MS4A15: variants seen among roughly 807,000 people sequenced by gnomAD.
The protein encoded by MS4A15 is membrane-spanning 4-domains subfamily A member 15.
MS4A15 carries 22 observed loss-of-function variants against 20.6 expected under a neutral mutation model. The observed-to-expected ratio is 1.07, with a 90% CI of 0.76 to 1.52. MS4A15 has a LOEUF of 1.52. Among genes scored for constraint, MS4A15 ranks in the 40% most tolerant of loss-of-function variants. The pLI is 0.00. For synonymous variants in MS4A15, 129 were observed against 129.3 expected, an observed-to-expected ratio of 1.00 and a Z score of 0.02; for missense variants, 312 against 323.0, an observed-to-expected ratio of 0.97 and a Z score of 0.26.
rs546850845 is a variant in MS4A15 at position 60,773,935 on chromosome 11, T to C, written c.597T>C (p.His199=). Residue 199 remains histidine (H), a synonymous_variant, in exon 6 of 7, where the codon CAT becomes CAC. Coordinates refer to ENST00000405633, the MANE Select transcript of MS4A15 (RefSeq NM_001098835.2). ...IAMHFGCQAI[H]AQASAPVIFL... ...TGCACTTCGGGTGCCAAGCCATCCATGCCCAGGCCAGTGCAGTGAGTACCC... is the reference window on the plus strand; with the variant it reads ...TGCACTTCGGGTGCCAAGCCATCCACGCCCAGGCCAGTGCAGTGAGTACCC... 7 of 1,614,002 alleles carry C rather than the reference T, an allele frequency of 4.3e-6. No homozygotes were observed. Among genetic ancestry groups the C allele is most frequent in the East Asian group, 4.5e-5 (2 of 44,864 alleles).
chr11:60,762,684 A>G (rs926181813), intron 1 of MS4A15, among the ~76,000 whole-genome samples: 3 of 152,234 alleles, frequency 2.0e-5, no homozygotes, highest in Non-Finnish European at 4.4e-5. Context: ...AGAAAAAGCA[A>G]TAAAAGCTTA....
intron 2 of MS4A15, among the ~76,000 whole-genome samples, chr11:60,765,827 G>A (rs760431361): frequency 1.3e-5 from 2 of 151,172 alleles, no homozygotes; most frequent in African/African-American, 4.9e-5. Flanking sequence ...TGGAGACAGC[G>A]GCTGGAATTT....
At chr11:60,767,063 C>T (rs984640007) in intron 2 of MS4A15, among the ~76,000 whole-genome samples, 3 of 152,196 alleles carry the variant, frequency 2.0e-5, no homozygotes, top group Admixed American at 2.0e-4. Flanking sequence ...GAAAAAATCC[C>T]ACTGGAGATT....
chr11:60,768,953 C>T lies in MS4A15; in HGVS notation c.348+1298C>T, dbSNP rs1038214237. 8.5e-5 allele frequency among the ~76,000 whole-genome samples: 13 copies of T among 152,146 alleles called. No homozygotes were observed. The East Asian group carries it at 2.3e-3, about 27-fold the overall frequency. Reference sequence around the variant, plus strand: ...AGGACAAATGGCTGACACATCACAACCAGATCAGGATGGTCACCTGGCCAT... The same window carrying T: ...AGGACAAATGGCTGACACATCACAATCAGATCAGGATGGTCACCTGGCCAT... On this transcript the variant is annotated intron_variant, in intron 3 of 6. Transcript: ENST00000405633.
At chr11:60,765,163 G>A (rs928091689) in intron 2 of MS4A15, among the ~76,000 whole-genome samples, 1 of 152,104 alleles carries the variant, frequency 6.6e-6, no homozygotes, top group African/African-American at 2.4e-5. Flanking sequence ...GGCATAGTCT[G>A]ATCAGTTGGC....
At chr11:60,767,223 A>G (rs1853904495) in intron 2 of MS4A15, among the ~76,000 whole-genome samples, 1 of 152,116 alleles carries the variant, frequency 6.6e-6, no homozygotes, top group Non-Finnish European at 1.5e-5. Flanking sequence ...TGGGCCATTG[A>G]ACCGAGTCCT....
intron 4 of MS4A15, chr11:60,771,896 C>A: frequency 1.7e-6 from 1 of 586,038 alleles, no homozygotes; most frequent in Non-Finnish European, 2.5e-6. Flanking sequence ...AGCTTTATGT[C>A]AGGCTCAGAG....
At position 60,773,621 on chromosome 11, in the gene MS4A15, T is replaced by C. The variant is rs574888485; in HGVS notation, c.498+137T>C. 2.4e-3 allele frequency: 1,971 copies of C among 817,644 alleles called. 6 individuals carry two copies. The highest frequency in any genetic ancestry group is 9.9e-3 in the Middle Eastern group (35 of 3,540). The allele number at this position is 817,644 out of a possible 1,614,324, so 50.6% of individuals were successfully genotyped here. On this transcript the variant is annotated intron_variant, in intron 5 of 6. Coordinates refer to ENST00000405633, the MANE Select transcript of MS4A15 (RefSeq NM_001098835.2). ...AGTCCCTATAGACCCCATGAATCCATGGATCCTCTGAGCCTTCCCCAAGAT... is the reference window on the plus strand; with the variant it reads ...AGTCCCTATAGACCCCATGAATCCACGGATCCTCTGAGCCTTCCCCAAGAT...
intron 6 of MS4A15, among the ~76,000 whole-genome samples, chr11:60,775,329 G>GAA (rs1554970114): frequency 1.2e-4 from 17 of 139,326 alleles, no homozygotes; most frequent in Admixed American, 4.2e-4. Context: ...AAAAAAAAAA[G>GAA]AAAAGAAAAA....
chr11:60,775,562 G>T (rs1854169881), intron 6 of MS4A15, 43 bp from the exon 7 acceptor site: 1 of 1,534,080 alleles, frequency 6.5e-7, no homozygotes, highest in African/African-American at 1.4e-5. Flanking sequence ...CTACCCTGAA[G>T]CTCCAGCGTC....
At position 60,763,906 on chromosome 11, in the gene MS4A15, CT is replaced by C. The variant is rs1853816139; in HGVS notation, c.174del (p.Asp59ThrfsTer9). 6.2e-7 allele frequency: 1 copy of C among 1,613,048 alleles called. No homozygotes were observed. Among genetic ancestry groups the C allele is most frequent in the Non-Finnish European group, 8.5e-7 (1 of 1,179,914 alleles). ...GAQTPRATQP[P>X]DLRPVETFLT... Reference sequence around the variant, plus strand: ...CAGACACCAAGGGCCACACAGCCACCTGACTTGCGGCCCGTGGAGACATTCC... The same window carrying C: ...CAGACACCAAGGGCCACACAGCCACCGACTTGCGGCCCGTGGAGACATTCC... On this transcript the variant is annotated frameshift_variant, in exon 2 of 7. Transcript: ENST00000405633. LOFTEE classifies it high-confidence loss of function.
chr11:60,775,555 C>A, intron 6 of MS4A15, 50 bp from the exon 7 acceptor site: 3 of 1,497,620 alleles, frequency 2.0e-6, no homozygotes, highest in Non-Finnish European at 2.8e-6. Flanking sequence ...TGAACCACTA[C>A]CCTGAAGCTC....
intron 3 of MS4A15, among the ~76,000 whole-genome samples, chr11:60,769,791 C>T (rs577565892): frequency 4.6e-5 from 7 of 152,270 alleles, no homozygotes; most frequent in Admixed American, 1.3e-4. Context: ...CAGCAGGTCG[C>T]GCCGGATCAC....
intron 1 of MS4A15, among the ~76,000 whole-genome samples, chr11:60,761,093 T>G (rs1853728325): frequency 6.6e-6 from 1 of 152,186 alleles, no homozygotes; most frequent in Non-Finnish European, 1.5e-5. Context: ...GTTTTTAATG[T>G]TATTTCATGG....
intron 3 of MS4A15, 21 bp downstream of exon 3, chr11:60,767,676 G>C (rs1342619075): frequency 6.5e-7 from 1 of 1,535,388 alleles, no homozygotes; most frequent in Admixed American, 2.0e-5. Context: ...GGGCCATGGA[G>C]AGGGAGGGTA....
At chr11:60,759,611 T>A (rs1446482032) in intron 1 of MS4A15, among the ~76,000 whole-genome samples, 2 of 152,032 alleles carry the variant, frequency 1.3e-5, no homozygotes, top group African/African-American at 4.8e-5. Flanking sequence ...GTTTCCCACA[T>A]GTCCCTGGGA....
chr11:60,773,484 G>C lies in MS4A15; in HGVS notation c.498G>C (p.Arg166=), dbSNP rs201653204. The change falls in exon 5 of 7, where the codon CGG becomes CGC. Residue 166 remains arginine, a splice_region_variant and synonymous_variant. Transcript: ENST00000405633. ...TCATGGATTTTGGTGTTACCAACCG[G>C]GTGCGTTGTCAGATGGCCCTCGGGG... The part of the protein sequence containing the change: ...ILLMDFGVTN[R]DVDRGYLAVL... 1.1e-5 allele frequency: 17 copies of C among 1,613,454 alleles called. No individual in the cohort carries two copies. The African/African-American group carries it at 1.6e-4, about 15-fold the overall frequency.
intron 1 of MS4A15, among the ~76,000 whole-genome samples, chr11:60,760,975 T>G (rs1853723984): frequency 6.6e-6 from 1 of 152,194 alleles, no homozygotes; most frequent in African/African-American, 2.4e-5. Context: ...GGAAAACTTC[T>G]GAGAAAGTAA....
In MS4A15 at chr11:60,773,485, G is replaced by C. The variant is rs964893824; in HGVS notation, c.498+1G>C. 2 of 1,613,480 alleles carry C rather than the reference G, an allele frequency of 1.2e-6. No individual in the cohort carries two copies. The highest frequency in any genetic ancestry group is 1.3e-5 in the African/African-American group (1 of 74,932). ...CATGGATTTTGGTGTTACCAACCGG[G>C]TGCGTTGTCAGATGGCCCTCGGGGT... On this transcript the variant is annotated splice_donor_variant, in intron 5 of 6. Transcript: ENST00000405633. LOFTEE classifies it high-confidence loss of function.
Sources: allele counts gnomAD v4.1 joint callset (sites outside exome capture counted in the v4.1 genomes callset), GRCh38; gene constraint gnomAD v4.1.1; transcripts MANE v1.5; gene names NCBI Gene and HGNC (gene_info 2026-07-23, HGNC 2026-07-21).